The following TMEM117 variants were observed in gnomAD, a reference collection of about 807,000 sequenced individuals.
The protein encoded by TMEM117 is transmembrane protein 117.
A neutral mutation model predicts 52.4 loss-of-function variants in TMEM117; 27 were observed. The ratio of observed to expected loss-of-function variants is 0.51; its 90% CI spans 0.38 to 0.71. TMEM117 has a LOEUF of 0.71. Ranked by LOEUF, TMEM117 falls within the 30% of genes least tolerant of loss-of-function variation. TMEM117 has a pLI of 0.00. For synonymous variants in TMEM117, 215 were observed against 206.3 expected, an observed-to-expected ratio of 1.04 and a Z score of -0.36; for missense variants, 556 against 630.5, an observed-to-expected ratio of 0.88 and a Z score of 1.26.
intron 3 of TMEM117, among the ~76,000 whole-genome samples, chr12:44,075,740 T>C (rs1947371790): frequency 6.6e-6 from 1 of 152,188 alleles, no homozygotes; most frequent in Non-Finnish European, 1.5e-5. Flanking sequence ...TATCTTGCTG[T>C]AGACTTGTGC....
chr12:44,114,180 C>T (rs1051456101), intron 3 of TMEM117, among the ~76,000 whole-genome samples: 148 of 152,130 alleles, frequency 9.7e-4, no homozygotes, highest in Admixed American at 2.0e-3. Context: ...GCGTCGCTCA[C>T]GCTGGGAGCT....
chr12:44,256,392 A>G (rs1374965626), intron 5 of TMEM117, among the ~76,000 whole-genome samples: 1 of 152,032 alleles, frequency 6.6e-6, no homozygotes, highest in Admixed American at 6.6e-5. Flanking sequence ...CCTTTTAAAT[A>G]TGAAGGAAGG....
intron 7 of TMEM117, among the ~76,000 whole-genome samples, chr12:44,381,076 C>T (rs1013182869): frequency 2.2e-4 from 34 of 152,128 alleles, no homozygotes; most frequent in Non-Finnish European, 5.9e-5. Context: ...CTGTTTAGCT[C>T]ATCTGGATCC....
intron 2 of TMEM117, among the ~76,000 whole-genome samples, chr12:43,893,193 A>G (rs1222597317): frequency 6.6e-6 from 1 of 152,240 alleles, no homozygotes; most frequent in Non-Finnish European, 1.5e-5. Flanking sequence ...CATTTTGAAC[A>G]GGAAGGGACA....
chr12:44,235,150 C>G (rs1187568833), intron 5 of TMEM117, among the ~76,000 whole-genome samples: 1 of 151,452 alleles, frequency 6.6e-6, no homozygotes, highest in East Asian at 1.9e-4. Context: ...TGTAAGCCAT[C>G]ATTTTTTGTC....
At chr12:43,868,141 CTTCT>C (rs1298784246) in intron 2 of TMEM117, among the ~76,000 whole-genome samples, 1 of 149,670 alleles carries the variant, frequency 6.7e-6, no homozygotes, top group Non-Finnish European at 1.5e-5. Context: ...TGTCTCTCTC[CTTCT>C]CTCTCTCTCT....
the TMEM117 span, among the ~76,000 whole-genome samples, chr12:44,397,004 C>T: frequency 0.038 from 5,856 of 152,152 alleles, 380 homozygotes; most frequent in African/African-American, 0.13. Context: ...TTCTTACATT[C>T]AATATGGGAA....
chr12:44,074,382 T>C (rs1947349066), intron 3 of TMEM117, among the ~76,000 whole-genome samples: 1 of 152,194 alleles, frequency 6.6e-6, no homozygotes. Flanking sequence ...CATTAGTCTT[T>C]TATTAGTTAA....
At chr12:44,353,396 C>T (rs1951595646) in intron 6 of TMEM117, among the ~76,000 whole-genome samples, 1 of 152,012 alleles carries the variant, frequency 6.6e-6, no homozygotes. Context: ...AATGGTATTG[C>T]CTAGGTTTTC....
At chr12:44,240,086 C>T (rs1365574473) in intron 5 of TMEM117, among the ~76,000 whole-genome samples, 1 of 152,050 alleles carries the variant, frequency 6.6e-6, no homozygotes, top group Non-Finnish European at 1.5e-5. Context: ...GCTATATTAG[C>T]ATTCCATTTA....
At chr12:43,825,375 G>T in the TMEM117 span, among the ~76,000 whole-genome samples, 1 of 152,114 alleles carries the variant, frequency 6.6e-6, no homozygotes, top group Non-Finnish European at 1.5e-5. Context: ...ATGCAGCAGG[G>T]GTTGATCCCT....
At chr12:44,005,854 A>T (rs1258431731) in intron 3 of TMEM117, among the ~76,000 whole-genome samples, 2 of 152,132 alleles carry the variant, frequency 1.3e-5, no homozygotes, top group African/African-American at 2.4e-5. Flanking sequence ...TGATGATTAT[A>T]TAAGGGGGAG....
intron 4 of TMEM117, among the ~76,000 whole-genome samples, chr12:44,177,305 C>A (rs985938295): frequency 6.6e-6 from 1 of 152,104 alleles, no homozygotes; most frequent in Non-Finnish European, 1.5e-5. Context: ...TTTTCCTTTT[C>A]TTCTTTACAC....
chr12:44,125,063 T>C (rs565403514), intron 3 of TMEM117, among the ~76,000 whole-genome samples: 1 of 152,280 alleles, frequency 6.6e-6, no homozygotes, highest in African/African-American at 2.4e-5. Flanking sequence ...GGTAGTCTAT[T>C]TATTACTGCC....
chr12:44,242,957 T>C (rs1490789436), intron 5 of TMEM117, among the ~76,000 whole-genome samples: 2 of 151,932 alleles, frequency 1.3e-5, no homozygotes, highest in Non-Finnish European at 2.9e-5. Flanking sequence ...CCATTCTGAC[T>C]TGTGTGGTAT....
At chr12:44,200,670 AC>A (rs1229755912) in intron 4 of TMEM117, among the ~76,000 whole-genome samples, 7 of 152,290 alleles carry the variant, frequency 4.6e-5, no homozygotes, top group African/African-American at 1.7e-4. Flanking sequence ...GACATATCTA[AC>A]TCTGAATCAG....
chr12:44,296,721 A>G (rs1311453725), intron 5 of TMEM117, among the ~76,000 whole-genome samples: 1 of 152,202 alleles, frequency 6.6e-6, no homozygotes, highest in Non-Finnish European at 1.5e-5. Flanking sequence ...CTGTCAGACT[A>G]CAGGTGAGAA....
intron 4 of TMEM117, among the ~76,000 whole-genome samples, chr12:44,177,872 G>A (rs1005504174): frequency 6.6e-6 from 1 of 152,138 alleles, no homozygotes; most frequent in African/African-American, 2.4e-5. Context: ...CTCTTGACAA[G>A]TCTCAGTATT....
At chr12:44,033,403 T>C (rs1946663203) in intron 3 of TMEM117, among the ~76,000 whole-genome samples, 1 of 152,202 alleles carries the variant, frequency 6.6e-6, no homozygotes, top group Non-Finnish European at 1.5e-5. Context: ...AATTCTTTCT[T>C]GCATGAGATC....
Sources: allele counts gnomAD v4.1 joint callset (sites outside exome capture counted in the v4.1 genomes callset), GRCh38; gene constraint gnomAD v4.1.1; transcripts MANE v1.5; gene names NCBI Gene and HGNC (gene_info 2026-07-23, HGNC 2026-07-21).